Variants in ST3GAL6 observed in about 807,000 individuals in gnomAD.
ST3GAL6 encodes type 2 lactosamine alpha-2,3-sialyltransferase.
Under a neutral mutation model 40.5 loss-of-function variants are expected in ST3GAL6, and 31 were observed. That is an observed-to-expected ratio of 0.77 (90% CI 0.58 to 1.03). The LOEUF is 1.03. Among genes scored for constraint, ST3GAL6 ranks in the 50% least tolerant of loss-of-function variants. The probability of loss-of-function intolerance (pLI) is 0.00; values close to 1 mark genes in which losing one functional copy is unlikely to be tolerated. For synonymous variants in ST3GAL6, 129 were observed against 136.9 expected, an observed-to-expected ratio of 0.94 and a Z score of 0.40; for missense variants, 357 against 393.2, an observed-to-expected ratio of 0.91 and a Z score of 0.78.
intron 6 of ST3GAL6, among the ~76,000 whole-genome samples, chr3:98,787,422 TA>T (rs1940831732): frequency 2.0e-5 from 3 of 152,340 alleles, no homozygotes; most frequent in South Asian, 2.1e-4. Context: ...AATGTGTGCA[TA>T]AATAGTGCAT....
intron 1 of ST3GAL6, among the ~76,000 whole-genome samples, chr3:98,755,025 T>G (rs776771467): frequency 2.0e-5 from 3 of 152,188 alleles, no homozygotes; most frequent in Non-Finnish European, 4.4e-5. Flanking sequence ...ATCTCTTCAG[T>G]GTGTCTGAAT....
chr3:98,744,468 T>A (rs1001885285), intron 1 of ST3GAL6, among the ~76,000 whole-genome samples: 1 of 152,198 alleles, frequency 6.6e-6, no homozygotes, highest in Admixed American at 6.5e-5. Context: ...CTGCCTCTCT[T>A]GCTTCTGCTT....
At chr3:98,736,982 A>G (rs1043090169) in intron 1 of ST3GAL6, among the ~76,000 whole-genome samples, 2 of 152,186 alleles carry the variant, frequency 1.3e-5, no homozygotes, top group African/African-American at 4.8e-5. Flanking sequence ...TAGAATTGGC[A>G]TGCCTGGAGA....
At chr3:98,771,605 G>C (rs56094988) in intron 3 of ST3GAL6, among the ~76,000 whole-genome samples, 8,593 of 152,226 alleles carry the variant, frequency 0.056, 302 homozygotes, top group Non-Finnish European at 0.071. Flanking sequence ...TTTTTTCTAT[G>C]AAGCATTAAA....
intron 5 of ST3GAL6, among the ~76,000 whole-genome samples, chr3:98,779,834 A>G (rs1275163186): frequency 6.6e-6 from 1 of 152,232 alleles, no homozygotes; most frequent in Non-Finnish European, 1.5e-5. Context: ...CTCCAAACAC[A>G]AAGTAGGGAA....
At chr3:98,782,139 T>C (rs568018484) in intron 5 of ST3GAL6, 2 of 664,114 alleles carry the variant, frequency 3.0e-6, no homozygotes, top group East Asian at 5.4e-5. Context: ...AAGTTGGCTT[T>C]CTAGAATAGG....
At position 98,793,955 on chromosome 3, in the gene ST3GAL6, T is replaced by TAAC. The variant is rs1454075056; in HGVS notation, c.*196_*198dup. On this transcript the variant is annotated 3_prime_UTR_variant, in exon 10 of 10. Transcript: ENST00000483910. Reference sequence around the variant, plus strand: ...TTATGAAAACCAAGAAATGTAAAGATAACAGGAAAATAAGTTTTGATTGCA... The same window carrying TAAC: ...TTATGAAAACCAAGAAATGTAAAGATAACAACAGGAAAATAAGTTTTGATTGCA... 1.0e-5 allele frequency: 4 copies of TAAC among 382,842 alleles called. No individual in the cohort carries two copies. Among genetic ancestry groups the TAAC allele is most frequent in the East Asian group, 7.8e-5 (2 of 25,690 alleles). The allele number at this position is 382,842 out of a possible 1,614,324, so 23.7% of individuals were successfully genotyped here.
intron 1 of ST3GAL6, among the ~76,000 whole-genome samples, chr3:98,765,769 ACT>A (rs1938254696): frequency 6.7e-6 from 1 of 149,644 alleles, no homozygotes; most frequent in South Asian, 2.1e-4. Flanking sequence ...GATCTTGAAA[ACT>A]CTTTTTTTTG....
chr3:98,791,727 T>G, intron 8 of ST3GAL6, 114 bp from the exon 9 acceptor site: 2 of 950,948 alleles, frequency 2.1e-6, no homozygotes, highest in Non-Finnish European at 3.2e-6. Flanking sequence ...TAGTTATTTC[T>G]CTCCTTATTA....
At chr3:98,747,108 T>G (rs1014266982) in intron 1 of ST3GAL6, among the ~76,000 whole-genome samples, 5 of 152,202 alleles carry the variant, frequency 3.3e-5, no homozygotes, top group African/African-American at 9.6e-5. Context: ...GTGCCTTGGA[T>G]TATTTTCTGG....
At chr3:98,788,577 A>G in intron 8 of ST3GAL6, 114 bp downstream of exon 8, 1 of 933,286 alleles carries the variant, frequency 1.1e-6, no homozygotes, top group East Asian at 2.8e-5. Context: ...ATGATTTCTG[A>G]GGGCCATCTC....
At chr3:98,791,796 G>T in intron 8 of ST3GAL6, 45 bp from the exon 9 acceptor site, 1 of 1,562,470 alleles carries the variant, frequency 6.4e-7, no homozygotes, top group Non-Finnish European at 8.7e-7. Context: ...TTGGTAACAA[G>T]TAGCTCCTTT....
At chr3:98,783,680 G>A in intron 5 of ST3GAL6, 6 of 985,420 alleles carry the variant, frequency 6.1e-6, no homozygotes, top group Non-Finnish European at 7.2e-6. Flanking sequence ...GGCACACACT[G>A]AAGGAGCATC....
At chr3:98,774,726 A>G (rs1392596987) in intron 5 of ST3GAL6, among the ~76,000 whole-genome samples, 1 of 152,160 alleles carries the variant, frequency 6.6e-6, no homozygotes, top group African/African-American at 2.4e-5. Flanking sequence ...TAGGAGTGCT[A>G]TTTTTTGGGT....
At chr3:98,743,641 C>G (rs940224511) in intron 1 of ST3GAL6, among the ~76,000 whole-genome samples, 3 of 152,222 alleles carry the variant, frequency 2.0e-5, no homozygotes, top group Non-Finnish European at 4.4e-5. Flanking sequence ...TGAATGCACC[C>G]AGGCAAGCTG....
intron 5 of ST3GAL6, among the ~76,000 whole-genome samples, chr3:98,774,415 C>T (rs1386872953): frequency 6.6e-6 from 1 of 152,206 alleles, no homozygotes; most frequent in Non-Finnish European, 1.5e-5. Context: ...AAGCAGCTCT[C>T]TTCTTTTTTA....
At position 98,734,792 on chromosome 3, in the gene ST3GAL6, A is replaced by T. The variant is rs186864187; in HGVS notation, c.-12+2260A>T. Among the ~76,000 whole-genome samples, 40 of 152,324 alleles carry T rather than the reference A, an allele frequency of 2.6e-4. No homozygotes were observed. In the East Asian group the frequency reaches 7.5e-3, roughly 29 times the overall value. On this transcript the variant is annotated intron_variant, in intron 1 of 9. Transcript: ENST00000265261. ...ATTAGTCTGTCTCCTGTGAAATTGT[A>T]AATCGTAGGTGTTCTCATTCAGTGG...
chr3:98,749,454 G>A (rs1009657362), intron 1 of ST3GAL6, among the ~76,000 whole-genome samples: 1 of 152,096 alleles, frequency 6.6e-6, no homozygotes, highest in African/African-American at 2.4e-5. Flanking sequence ...TTTGGTATAT[G>A]CTCATCTGAT....
At chr3:98,767,868 A>T (rs1938527865) in intron 1 of ST3GAL6, among the ~76,000 whole-genome samples, 1 of 152,222 alleles carries the variant, frequency 6.6e-6, no homozygotes, top group African/African-American at 2.4e-5. Context: ...AAAATCAAAT[A>T]GGTGGATCTA....
Sources: allele counts gnomAD v4.1 joint callset (sites outside exome capture counted in the v4.1 genomes callset), GRCh38; gene constraint gnomAD v4.1.1; transcripts MANE v1.5; gene names NCBI Gene and HGNC (gene_info 2026-07-23, HGNC 2026-07-21).